The following PCYOX1 variants were observed in gnomAD, a reference collection of about 807,000 sequenced individuals.
PCYOX1 encodes prenylcysteine lyase.
PCYOX1 carries 46 observed loss-of-function variants against 46.4 expected under a neutral mutation model. The ratio of observed to expected loss-of-function variants is 0.99; its 90% CI spans 0.78 to 1.27. PCYOX1 has a LOEUF of 1.27. Among genes scored for constraint, PCYOX1 ranks in the 50% most tolerant of loss-of-function variants. PCYOX1 has a pLI of 0.00. For missense variants in PCYOX1, 658 were observed against 628.3 expected (o/e 1.05, Z -0.51); for synonymous variants, 220 against 231.8 (o/e 0.95, Z 0.46).
intron 3 of PCYOX1, among the ~76,000 whole-genome samples, chr2:70,270,991 T>C (rs1249875806): frequency 6.6e-6 from 1 of 152,228 alleles, no homozygotes; most frequent in Admixed American, 6.5e-5. Flanking sequence ...CCTCCCAAAG[T>C]GCTGGGATTA....
rs1028691652 is a variant in PCYOX1 at position 70,278,091 on chromosome 2, T to G, written c.*699T>G. 3 of 152,294 alleles carry G rather than the reference T, an allele frequency of 2.0e-5. No homozygotes were observed. The highest frequency in any genetic ancestry group is 4.4e-5 in the Non-Finnish European group (3 of 68,040). 9.4% of individuals were successfully genotyped at this position (152,294 alleles called of 1,614,324 possible). A position where few individuals can be genotyped will look rare whatever the true frequency, so the allele number is the denominator to read the frequency against. On this transcript the variant is annotated 3_prime_UTR_variant, in exon 6 of 6. Transcript: ENST00000433351. ...TTTGATTCTTCTGTCTTGATTTGAT[T>G]AGGGGTGAAATTTAGAAGTCTTAGT...
chr2:70,261,536 A>C (rs1194917149), intron 3 of PCYOX1, 150 bp downstream of exon 3: 1 of 611,818 alleles, frequency 1.6e-6, no homozygotes, highest in African/African-American at 1.9e-5. Flanking sequence ...GTTTTGTAGA[A>C]ACTATGCAGA....
intron 3 of PCYOX1, among the ~76,000 whole-genome samples, chr2:70,262,660 TA>T (rs1360104179): frequency 5.9e-5 from 9 of 151,664 alleles, no homozygotes; most frequent in African/African-American, 2.2e-4. Flanking sequence ...TTTGTATTTT[TA>T]GTAGAGACGG....
intron 3 of PCYOX1, among the ~76,000 whole-genome samples, chr2:70,272,373 C>T (rs866774628): frequency 3.9e-4 from 60 of 152,104 alleles, no homozygotes; most frequent in South Asian, 4.1e-4. Context: ...GCGATCTGCC[C>T]GCCTCAGCCT....
chr2:70,265,110 A>G (rs1696494673), intron 3 of PCYOX1, among the ~76,000 whole-genome samples: 1 of 152,110 alleles, frequency 6.6e-6, no homozygotes, highest in Non-Finnish European at 1.5e-5. Flanking sequence ...GAAATCCTGC[A>G]GCCCCTGACA....
chr2:70,266,448 C>T (rs947551461), intron 3 of PCYOX1, among the ~76,000 whole-genome samples: 41 of 151,814 alleles, frequency 2.7e-4, no homozygotes, highest in Middle Eastern at 3.4e-3. Flanking sequence ...TTTACAGAAC[C>T]GTAAGATTAT....
chr2:70,269,404 C>T (rs1362774681), intron 3 of PCYOX1, among the ~76,000 whole-genome samples: 1 of 149,736 alleles, frequency 6.7e-6, no homozygotes, highest in Non-Finnish European at 1.5e-5. Context: ...GGCGCTATCT[C>T]GGCTCACTGC....
chr2:70,259,583 T>G lies in PCYOX1; in HGVS notation c.319+17T>G. The G allele has an allele frequency of 6.4e-7, 1 of 1,574,626 alleles. No homozygotes were observed. The highest frequency in any genetic ancestry group is 8.7e-7 in the Non-Finnish European group (1 of 1,144,526). On this transcript the variant is annotated intron_variant, in intron 2 of 5. Coordinates refer to ENST00000433351, the MANE Select transcript of PCYOX1 (RefSeq NM_016297.4). ...AAGACCTGGGTATGTAATTTTGGTC[T>G]TGGAGCTCACCAGATTACTGTGTGA...
At chr2:70,270,218 A>G (rs1696584078) in intron 3 of PCYOX1, among the ~76,000 whole-genome samples, 1 of 151,120 alleles carries the variant, frequency 6.6e-6, no homozygotes, top group African/African-American at 2.4e-5. Context: ...CTGGTCTTGA[A>G]CTCCTGACCT....
At chr2:70,268,416 T>C (rs963737470) in intron 3 of PCYOX1, among the ~76,000 whole-genome samples, 10 of 152,100 alleles carry the variant, frequency 6.6e-5, no homozygotes, top group Admixed American at 3.9e-4. Context: ...AATTCATAGG[T>C]TGAAACACTA....
chr2:70,268,631 C>T (rs1261222848), intron 3 of PCYOX1, among the ~76,000 whole-genome samples: 2 of 151,928 alleles, frequency 1.3e-5, no homozygotes, highest in African/African-American at 2.4e-5. Context: ...AACCCCTTCT[C>T]TACTAAAAAT....
chr2:70,275,975 C>T lies in PCYOX1; in HGVS notation c.859+309C>T, dbSNP rs564092058. Reference sequence around the variant, plus strand: ...ATTAGCCGGGCGTGGTGGCAGGTGCCTGTAATCCCAGCTACTCGGGAGGCT... The same window carrying T: ...ATTAGCCGGGCGTGGTGGCAGGTGCTTGTAATCCCAGCTACTCGGGAGGCT... On this transcript the variant is annotated intron_variant, in intron 5 of 5. Coordinates refer to ENST00000433351, the MANE Select transcript of PCYOX1 (RefSeq NM_016297.4). Among the ~76,000 whole-genome samples the T allele has an allele frequency of 2.0e-5, 3 of 151,572 alleles. No homozygotes were observed. The East Asian group carries it at 6.0e-4, about 30-fold the overall frequency.
chr2:70,275,595 A>G lies in PCYOX1; in HGVS notation c.788A>G (p.Gln263Arg). 6.2e-7 allele frequency: 1 copy of G among 1,614,122 alleles called. No homozygotes were observed. Among genetic ancestry groups the G allele is most frequent in the Non-Finnish European group, 8.5e-7 (1 of 1,179,982 alleles). ...GNKLVCSGLL[Q>R]ASKSNLISGS... is the part of the protein sequence containing the mutation. ...AAACTTGTTTGCTCAGGGCTTCTGC[A>G]GGCATCCAAAAGCAATCTTATATCT... Residue 263 changes from glutamine to arginine, a missense_variant, in exon 5 of 6, where the codon CAG becomes CGG. Coordinates refer to ENST00000433351, the MANE Select transcript of PCYOX1 (RefSeq NM_016297.4).
intron 3 of PCYOX1, among the ~76,000 whole-genome samples, chr2:70,271,639 A>G (rs1399902854): frequency 6.6e-6 from 1 of 152,016 alleles, no homozygotes; most frequent in Non-Finnish European, 1.5e-5. Context: ...TCATTACAAC[A>G]ACTGCAAATT....
chr2:70,262,566 G>A (rs1415140142), intron 3 of PCYOX1, among the ~76,000 whole-genome samples: 1 of 146,366 alleles, frequency 6.8e-6, no homozygotes, highest in African/African-American at 2.6e-5. Context: ...TGCAACCTCT[G>A]CCTCCCTGGT....
At chr2:70,274,462 C>T (rs936721206) in intron 3 of PCYOX1, among the ~76,000 whole-genome samples, 10 of 151,680 alleles carry the variant, frequency 6.6e-5, no homozygotes, top group Non-Finnish European at 1.3e-4. Flanking sequence ...TTCCAAAGAG[C>T]TAGGATTACA....
chr2:70,277,237 T>C lies in PCYOX1; in HGVS notation c.1363T>C (p.Tyr455His). Residue 455 changes from tyrosine to histidine, a missense_variant, in exon 6 of 6, where the codon TAT becomes CAT. Transcript: ENST00000433351. ...CTCTATCATTCTCCATGATCGACTT[T>C]ATTACCTCAATGGCATAGAGTGTGC... ...CPSIILHDRL[Y>H]YLNGIECAAS... 1 of 1,614,182 alleles carries C rather than the reference T, an allele frequency of 6.2e-7. No homozygotes were observed. Among genetic ancestry groups the C allele is most frequent in the Non-Finnish European group, 8.5e-7 (1 of 1,180,040 alleles).
rs1696761372 is a variant in PCYOX1 at position 70,280,732 on chromosome 2, CT to C, written c.*3342del. 1.3e-5 allele frequency: 2 copies of C among 152,148 alleles called. No individual in the cohort carries two copies. Among genetic ancestry groups the C allele is most frequent in the African/African-American group, 4.8e-5 (2 of 41,418 alleles). 9.4% of individuals were successfully genotyped at this position (152,148 alleles called of 1,614,324 possible). A position where few individuals can be genotyped will look rare whatever the true frequency, so the allele number is the denominator to read the frequency against. On this transcript the variant is annotated 3_prime_UTR_variant, in exon 6 of 6. Coordinates refer to ENST00000433351, the MANE Select transcript of PCYOX1 (RefSeq NM_016297.4). ...CTTATTGATTGTTAGTTTGATCCCT[CT>C]TGTTCTTTTGTTGTAAACATTTTCT...
intron 3 of PCYOX1, 131 bp from the exon 4 acceptor site, chr2:70,274,828 T>C (rs923402866): frequency 1.2e-5 from 8 of 662,734 alleles, no homozygotes; most frequent in Admixed American, 6.9e-5. Context: ...CCTCCCAAAG[T>C]GTGGGGATTA....
Sources: allele counts gnomAD v4.1 joint callset (sites outside exome capture counted in the v4.1 genomes callset), GRCh38; gene constraint gnomAD v4.1.1; transcripts MANE v1.5; gene names NCBI Gene and HGNC (gene_info 2026-07-23, HGNC 2026-07-21).